STX12: variants seen among roughly 807,000 people sequenced by gnomAD.
STX12 encodes the protein syntaxin 12, also known as syntaxin-12.
STX12 carries 17 observed loss-of-function variants against 42.2 expected under a neutral mutation model. The observed-to-expected ratio is 0.40, with a 90% CI of 0.28 to 0.60. The LOEUF (loss-of-function observed/expected upper bound fraction) is 0.60. STX12 is among the 20% of genes least tolerant of loss of function. The probability of loss-of-function intolerance (pLI) is 0.39; values close to 1 mark genes in which losing one functional copy is unlikely to be tolerated. For synonymous variants in STX12, 108 were observed against 116.7 expected (o/e 0.93, Z 0.48); for missense variants, 297 against 330.9 (o/e 0.90, Z 0.79).
intron 3 of STX12, among the ~76,000 whole-genome samples, chr1:27,798,951 C>CA (rs1383304799): frequency 7.1e-6 from 1 of 141,344 alleles, no homozygotes; most frequent in African/African-American, 2.7e-5. Context: ...AAGACCCTGT[C>CA]TCAAAAAAAA....
rs931503162 is a variant in STX12, at chr1:27,824,380, C to T, written c.*2051C>T. Reference sequence around the variant, plus strand: ...GAACTTGGCCTGGATTTTAAATGGCCTAGAATTTGTGGTAGTTGCCAAAGA... The same window carrying T: ...GAACTTGGCCTGGATTTTAAATGGCTTAGAATTTGTGGTAGTTGCCAAAGA... On this transcript the variant is annotated 3_prime_UTR_variant, in exon 9 of 9. Coordinates refer to ENST00000373943, the MANE Select transcript of STX12 (RefSeq NM_177424.3). 2.0e-5 allele frequency: 3 copies of T among 152,144 alleles called. No homozygotes were observed. Among genetic ancestry groups the T allele is most frequent in the African/African-American group, 7.2e-5 (3 of 41,424 alleles). The allele number at this position is 152,144 out of a possible 1,614,324, so 9.4% of individuals were successfully genotyped here.
chr1:27,822,166 A>G (rs1051077508), intron 8 of STX12, 65 bp from the exon 9 acceptor site: 8 of 955,026 alleles, frequency 8.4e-6, no homozygotes, highest in African/African-American at 1.6e-5. Flanking sequence ...AAGCATTCTT[A>G]GAGTCTTACA....
At chr1:27,791,112 T>A (rs1239668852) in intron 2 of STX12, among the ~76,000 whole-genome samples, 2 of 151,388 alleles carry the variant, frequency 1.3e-5, no homozygotes, top group African/African-American at 4.9e-5. Context: ...AATACAAAAA[T>A]TAGCTGGGCA....
intron 1 of STX12, among the ~76,000 whole-genome samples, chr1:27,780,182 T>C (rs1022011031): frequency 6.6e-6 from 1 of 151,888 alleles, no homozygotes; most frequent in African/African-American, 2.4e-5. Context: ...TAAGTCCTGC[T>C]GATAGCAATT....
chr1:27,811,820 A>G (rs2088905195), intron 5 of STX12, among the ~76,000 whole-genome samples: 2 of 152,206 alleles, frequency 1.3e-5, no homozygotes, highest in African/African-American at 4.8e-5. Context: ...ATGATGGTGC[A>G]ACATAATTCA....
intron 1 of STX12, among the ~76,000 whole-genome samples, chr1:27,777,614 C>T (rs1047674953): frequency 5.3e-5 from 8 of 152,256 alleles, no homozygotes; most frequent in South Asian, 2.1e-4. Context: ...AGGCCGGACA[C>T]GGTGACTCAC....
chr1:27,821,754 C>T (rs978526176), intron 8 of STX12, among the ~76,000 whole-genome samples: 2 of 152,116 alleles, frequency 1.3e-5, no homozygotes, highest in African/African-American at 2.4e-5. Context: ...CGGTGGCCCA[C>T]GCCTGTAATC....
chr1:27,792,290 A>G (rs1236077123), intron 2 of STX12, among the ~76,000 whole-genome samples: 2 of 133,290 alleles, frequency 1.5e-5, no homozygotes, highest in African/African-American at 6.1e-5. Flanking sequence ...ATATGTAGAT[A>G]CATATATATG....
intron 6 of STX12, 94 bp downstream of exon 6, chr1:27,812,362 G>A: frequency 1.1e-6 from 1 of 897,216 alleles, no homozygotes; most frequent in Non-Finnish European, 1.7e-6. Flanking sequence ...ATTATGAAAA[G>A]GCATAAAATG....
chr1:27,773,322 C>T lies in STX12; in HGVS notation c.15C>T (p.Pro5=). MSYG[P]LDMYRNPGPS... ...AGCTCCTCGTCATGTCATACGGTCC[C>T]TTAGACATGTACCGGAACCCGGGGC... The change falls in exon 1 of 9, where the codon CCC becomes CCT. Residue 5 remains proline, a synonymous_variant. Coordinates refer to ENST00000373943, the MANE Select transcript of STX12 (RefSeq NM_177424.3). The T allele has an allele frequency of 6.2e-7, 1 of 1,609,900 alleles. No individual in the cohort carries two copies. The highest frequency in any genetic ancestry group is 8.5e-7 in the Non-Finnish European group (1 of 1,177,550).
At position 27,784,293 on chromosome 1, in the gene STX12, T is replaced by G. The variant is rs529222883; in HGVS notation, c.119-5269T>G. The stretch of plus-strand genomic sequence containing the variant: ...TGGAGTGCAGTGGCATGATCATAGC[T>G]CACTGCAGCCTCAAACTTCTGGGCT... On this transcript the variant is annotated intron_variant, in intron 1 of 8. Coordinates refer to ENST00000373943, the MANE Select transcript of STX12 (RefSeq NM_177424.3). 3.2e-4 allele frequency among the ~76,000 whole-genome samples: 48 copies of G among 152,310 alleles called. 1 individual carries two copies. The South Asian group carries it at 8.9e-3, about 28-fold the overall frequency.
rs576278189 is a variant in STX12, at chr1:27,814,349, G to A, written c.576+2081G>A. Among the ~76,000 whole-genome samples the A allele has an allele frequency of 9.2e-4, 139 of 151,820 alleles. 1 individual carries two copies. Among genetic ancestry groups the A allele is most frequent in the Middle Eastern group, 6.8e-3 (2 of 292 alleles). ...AATTCAAGACAGCCTGGGCAGTGTA[G>A]CAAGACCTTACCTCTACAAAAAATA... On this transcript the variant is annotated intron_variant, in intron 6 of 8. Coordinates refer to ENST00000373943, the MANE Select transcript of STX12 (RefSeq NM_177424.3).
At chr1:27,818,360 G>A (rs1022140366) in intron 7 of STX12, among the ~76,000 whole-genome samples, 10 of 149,776 alleles carry the variant, frequency 6.7e-5, no homozygotes, top group African/African-American at 2.3e-4. Flanking sequence ...CAGCCTGGGT[G>A]ACAGAATGAG....
Position 27,809,522 on chromosome 1 carries a change from G to A in STX12, c.427-724G>A, listed in dbSNP as rs561579232. On this transcript the variant is annotated intron_variant, in intron 4 of 8. Coordinates refer to ENST00000373943, the MANE Select transcript of STX12 (RefSeq NM_177424.3). ...GTTGTCCAGGCTGGAGTGCAGTGGC[G>A]CAATCTCAGCTTACTGCAGCCTCCG... Among the ~76,000 whole-genome samples the A allele has an allele frequency of 3.2e-3, 469 of 145,722 alleles. 4 individuals are homozygous for A. Among genetic ancestry groups the A allele is most frequent in the African/African-American group, 0.011 (441 of 38,956 alleles).
chr1:27,801,770 G>A lies in STX12; in HGVS notation c.381G>A (p.Lys127=). 1 of 1,596,120 alleles carries A rather than the reference G, an allele frequency of 6.3e-7. No individual in the cohort carries two copies. Among genetic ancestry groups the A allele is most frequent in the East Asian group, 2.3e-5 (1 of 43,292 alleles). Residue 127 remains lysine, a synonymous_variant, in exon 4 of 9, where the codon AAG becomes AAA. Coordinates refer to ENST00000373943, the MANE Select transcript of STX12 (RefSeq NM_177424.3). ...FQAVQRRVSE[K]EKESIARARA... is the part of the protein sequence containing the mutation. ...CTGTGCAGAGAAGGGTATCTGAAAA[G>A]GAAAAGGAGAGTATTGCCAGAGCAA... is the stretch of plus-strand genomic sequence containing the variant.
At chr1:27,793,047 A>G (rs1476154223) in intron 2 of STX12, among the ~76,000 whole-genome samples, 4 of 152,332 alleles carry the variant, frequency 2.6e-5, no homozygotes, top group East Asian at 1.9e-4. Flanking sequence ...AAGCAAGAGC[A>G]TGGGATTAGA....
chr1:27,821,246 T>A (rs549459396), intron 8 of STX12, among the ~76,000 whole-genome samples: 1 of 152,196 alleles, frequency 6.6e-6, no homozygotes, highest in African/African-American at 2.4e-5. Context: ...CTGGGAGTGC[T>A]CGTAAAGAAA....
intron 4 of STX12, among the ~76,000 whole-genome samples, chr1:27,809,469 T>TTC (rs942896120): frequency 1.3e-5 from 2 of 149,778 alleles, no homozygotes; most frequent in East Asian, 3.9e-4. Context: ...TCTTTTTTTT[T>TTC]TTTTTTTTTG....
chr1:27,793,699 A>C, intron 3 of STX12, 67 bp downstream of exon 3: 1 of 1,355,992 alleles, frequency 7.4e-7, no homozygotes, highest in South Asian at 1.2e-5. Context: ...CAGTGTGTAG[A>C]ACAAAAAAAA....
Sources: allele counts gnomAD v4.1 joint callset (sites outside exome capture counted in the v4.1 genomes callset), GRCh38; gene constraint gnomAD v4.1.1; transcripts MANE v1.5; gene names NCBI Gene and HGNC (gene_info 2026-07-23, HGNC 2026-07-21).